Variants in MSH4 observed in about 807,000 individuals in gnomAD.
The protein encoded by MSH4 is mutS homolog 4, also known as mutS protein homolog 4.
A neutral mutation model predicts 113.7 loss-of-function variants in MSH4; 106 were observed. That is an observed-to-expected ratio of 0.93 (90% CI 0.80 to 1.10). MSH4 has a LOEUF of 1.10. Ranked by LOEUF, MSH4 falls within the 50% of genes least tolerant of loss-of-function variation. The pLI is 0.00. For synonymous variants in MSH4, 368 were observed against 380.2 expected (o/e 0.97, Z 0.37); for missense variants, 1,061 against 1,093.7 (o/e 0.97, Z 0.42).
chr1:75,882,789 G>A (rs968097161), intron 14 of MSH4, among the ~76,000 whole-genome samples: 2 of 151,700 alleles, frequency 1.3e-5, no homozygotes, highest in African/African-American at 4.8e-5. Flanking sequence ...GCTGCAATAA[G>A]CTATGATTTT....
At chr1:75,872,011 T>C (rs1469152092) in intron 9 of MSH4, among the ~76,000 whole-genome samples, 1 of 152,212 alleles carries the variant, frequency 6.6e-6, no homozygotes, top group Non-Finnish European at 1.5e-5. Flanking sequence ...ACTTTTTAAG[T>C]ACCAATGTGA....
intron 19 of MSH4, among the ~76,000 whole-genome samples, chr1:75,905,123 A>T (rs1296182800): frequency 6.7e-6 from 1 of 148,266 alleles, no homozygotes; most frequent in Non-Finnish European, 1.5e-5. Flanking sequence ...CCTAGCTTTG[A>T]GAAGTACCAC....
chr1:75,882,663 TA>T lies in MSH4; in HGVS notation c.1907-932del, dbSNP rs35936506. 5.6e-3 allele frequency among the ~76,000 whole-genome samples: 695 copies of T among 123,752 alleles called. 6 individuals carry two copies. Among genetic ancestry groups the T allele is most frequent in the African/African-American group, 0.015 (499 of 33,444 alleles). 81.2% of individuals were successfully genotyped at this position (123,752 alleles called of 152,430 possible). A position where few individuals can be genotyped will look rare whatever the true frequency, so the allele number is the denominator to read the frequency against. On this transcript the variant is annotated intron_variant, in intron 14 of 19. Coordinates refer to ENST00000263187, the MANE Select transcript of MSH4 (RefSeq NM_002440.4). ...GGGCAACATAGCTAGACCTCATTTCTAAAAAAAAAAAAAAAAAAAAAAAAAA... is the reference window on the plus strand; with the variant it reads ...GGGCAACATAGCTAGACCTCATTTCTAAAAAAAAAAAAAAAAAAAAAAAAA...
chr1:75,892,785 G>A (rs2100584495), intron 17 of MSH4, among the ~76,000 whole-genome samples: 1 of 152,246 alleles, frequency 6.6e-6, no homozygotes, highest in South Asian at 2.1e-4. Context: ...GGCATCACAT[G>A]TGTCCCTAGA....
intron 8 of MSH4, among the ~76,000 whole-genome samples, chr1:75,857,923 G>A (rs1411186241): frequency 1.1e-4 from 16 of 152,064 alleles, no homozygotes; most frequent in Admixed American, 1.0e-3. Flanking sequence ...CCATTTGTTT[G>A]TGTCCTGTCT....
At chr1:75,861,902 T>G (rs1435339537) in intron 8 of MSH4, among the ~76,000 whole-genome samples, 3 of 152,172 alleles carry the variant, frequency 2.0e-5, no homozygotes, top group African/African-American at 7.2e-5. Context: ...CAGTAGGCCT[T>G]GCTGAGCTGC....
At chr1:75,819,057 T>C (rs1449835236) in intron 6 of MSH4, among the ~76,000 whole-genome samples, 1 of 152,126 alleles carries the variant, frequency 6.6e-6, no homozygotes, top group Non-Finnish European at 1.5e-5. Flanking sequence ...TAAGCCACCG[T>C]GCCCGGCCTG....
At chr1:75,882,676 A>ATT (rs1284222665) in intron 14 of MSH4, among the ~76,000 whole-genome samples, 1 of 150,672 alleles carries the variant, frequency 6.6e-6, no homozygotes, top group Non-Finnish European at 1.5e-5. Context: ...AAAAAAAAAA[A>ATT]AAAAAAAAAA....
intron 4 of MSH4, among the ~76,000 whole-genome samples, chr1:75,812,062 T>TTTG (rs5745361): frequency 2.8e-4 from 43 of 151,992 alleles, no homozygotes; most frequent in African/African-American, 7.5e-4. Context: ...ACTTTCATGT[T>TTTG]TTGTTGTTGT....
intron 15 of MSH4, among the ~76,000 whole-genome samples, chr1:75,887,530 C>T (rs777337992): frequency 2.0e-5 from 3 of 152,006 alleles, no homozygotes; most frequent in Admixed American, 6.6e-5. Context: ...ACGCATTTCA[C>T]GTTTATCTGC....
At chr1:75,856,490 G>A (rs927987521) in intron 8 of MSH4, among the ~76,000 whole-genome samples, 12 of 152,106 alleles carry the variant, frequency 7.9e-5, no homozygotes, top group East Asian at 5.8e-4. Context: ...CCCTGTGTCC[G>A]TGTGTTCTCG....
chr1:75,907,205 T>A (rs1364701845), intron 19 of MSH4, among the ~76,000 whole-genome samples: 7 of 152,166 alleles, frequency 4.6e-5, no homozygotes, highest in Non-Finnish European at 8.8e-5. Context: ...AATGATGCAT[T>A]TCCTCAGCTT....
chr1:75,873,719 A>G (rs1403455143), intron 9 of MSH4, among the ~76,000 whole-genome samples: 1 of 151,966 alleles, frequency 6.6e-6, no homozygotes, highest in Non-Finnish European at 1.5e-5. Flanking sequence ...AGCTCCATCC[A>G]TGTCCCTGCA....
At position 75,816,448 on chromosome 1, in the gene MSH4, A is replaced by G; in HGVS notation, c.891A>G (p.Lys297=). 6.2e-7 allele frequency: 1 copy of G among 1,611,242 alleles called. No homozygotes were observed. Among genetic ancestry groups the G allele is most frequent in the Non-Finnish European group, 8.5e-7 (1 of 1,178,204 alleles). ...TTCAAAATTCAGTTTATGCACCAAA[A>G]TCACTGAAGATTTGTTTCCAGGGTA... ...EFIQNSVYAP[K]SLKICFQGSE... is the part of the protein sequence containing the mutation. Residue 297 remains lysine (K), a synonymous_variant, in exon 6 of 20, where the codon AAA becomes AAG. Coordinates refer to ENST00000263187, the MANE Select transcript of MSH4 (RefSeq NM_002440.4).
chr1:75,890,641 T>C, intron 16 of MSH4, 55 bp from the exon 17 acceptor site: 1 of 925,886 alleles, frequency 1.1e-6, no homozygotes, highest in Non-Finnish European at 1.6e-6. Flanking sequence ...TTTTTTCCTG[T>C]GATATTGACA....
intron 17 of MSH4, among the ~76,000 whole-genome samples, 177 bp from the exon 18 acceptor site, chr1:75,897,730 T>G (rs932221659): frequency 6.6e-6 from 1 of 152,140 alleles, no homozygotes; most frequent in Non-Finnish European, 1.5e-5. Flanking sequence ...TAATATAAAA[T>G]CTCAAAACAT....
At chr1:75,827,990 G>A (rs1338279111) in intron 7 of MSH4, among the ~76,000 whole-genome samples, 1 of 152,080 alleles carries the variant, frequency 6.6e-6, no homozygotes, top group East Asian at 1.9e-4. Flanking sequence ...ATTGCCCTGG[G>A]CAAAGTACAT....
At chr1:75,909,762 G>A (rs1472473027) in intron 19 of MSH4, among the ~76,000 whole-genome samples, 2 of 149,540 alleles carry the variant, frequency 1.3e-5, no homozygotes, top group African/African-American at 2.5e-5. Flanking sequence ...CACTCTTCCT[G>A]TACTCTCAAT....
intron 1 of MSH4, 54 bp from the exon 2 acceptor site, chr1:75,803,677 C>T: frequency 8.0e-7 from 1 of 1,244,156 alleles, no homozygotes; most frequent in South Asian, 1.7e-5. Context: ...ATGACTAATA[C>T]ATCATTGCAT....
Sources: allele counts gnomAD v4.1 joint callset (sites outside exome capture counted in the v4.1 genomes callset), GRCh38; gene constraint gnomAD v4.1.1; transcripts MANE v1.5; gene names NCBI Gene and HGNC (gene_info 2026-07-23, HGNC 2026-07-21).